RBFOX1: variants seen among roughly 807,000 people sequenced by gnomAD.
The protein encoded by RBFOX1 is RNA binding protein fox-1 homolog 1.
Under a neutral mutation model 57.7 loss-of-function variants are expected in RBFOX1, and 8 were observed. The observed-to-expected ratio is 0.14, with a 90% confidence interval of 0.08 to 0.25. The LOEUF (loss-of-function observed/expected upper bound fraction) is 0.25. RBFOX1 is among the 10% of genes least tolerant of loss of function. The pLI, the probability that RBFOX1 is intolerant of heterozygous loss-of-function variation, is 1.00. For synonymous variants in RBFOX1, 326 were observed against 222.4 expected (o/e 1.47, Z -4.15); for missense variants, 611 against 548.5 (o/e 1.11, Z -1.14).
At chr16:5,408,522 T>A (rs1202534540) in intron 1 of RBFOX1, among the ~76,000 whole-genome samples, 1 of 152,192 alleles carries the variant, frequency 6.6e-6, no homozygotes, top group African/African-American at 2.4e-5. Flanking sequence ...TTCTGAGGGA[T>A]CTCTCTTTCT....
chr16:7,465,473 C>G (rs1239010488), intron 4 of RBFOX1, among the ~76,000 whole-genome samples: 1 of 152,188 alleles, frequency 6.6e-6, no homozygotes, highest in African/African-American at 2.4e-5. Context: ...CTCTACTTTC[C>G]TATAAGGAGT....
intron 2 of RBFOX1, among the ~76,000 whole-genome samples, chr16:6,620,082 A>G (rs180989501): frequency 1.8e-4 from 28 of 152,284 alleles, no homozygotes; most frequent in African/African-American, 6.0e-4. Flanking sequence ...GTGCATATGG[A>G]CCACATTTTC....
At chr16:6,370,508 A>G (rs891274936) in intron 2 of RBFOX1, among the ~76,000 whole-genome samples, 38 of 152,188 alleles carry the variant, frequency 2.5e-4, no homozygotes, top group African/African-American at 8.0e-4. Context: ...AGTCTTTTAA[A>G]AAGGAGTAAA....
At chr16:7,160,754 T>C (rs1482457756) in intron 4 of RBFOX1, among the ~76,000 whole-genome samples, 2 of 151,520 alleles carry the variant, frequency 1.3e-5, no homozygotes, top group South Asian at 2.1e-4. Flanking sequence ...CCTATGTCTA[T>C]TCCTCCTCCT....
intron 3 of RBFOX1, among the ~76,000 whole-genome samples, chr16:6,742,790 G>A (rs1356730046): frequency 6.6e-6 from 1 of 152,120 alleles, no homozygotes; most frequent in East Asian, 1.9e-4. Context: ...CATGAGAGAA[G>A]TATAAAGATT....
intron 3 of RBFOX1, among the ~76,000 whole-genome samples, chr16:6,764,713 G>A (rs1248732852): frequency 6.6e-6 from 1 of 152,134 alleles, no homozygotes; most frequent in Admixed American, 6.5e-5. Context: ...GAGGCGGGTA[G>A]GTCACTTGAG....
intron 3 of RBFOX1, among the ~76,000 whole-genome samples, chr16:5,717,114 G>A (rs2051732576): frequency 6.6e-6 from 1 of 152,130 alleles, no homozygotes; most frequent in Non-Finnish European, 1.5e-5. Flanking sequence ...GAAGGTCAGA[G>A]GGTCTGGTAG....
intron 3 of RBFOX1, among the ~76,000 whole-genome samples, chr16:6,927,398 G>A (rs1261311506): frequency 9.8e-6 from 1 of 102,394 alleles, no homozygotes; most frequent in Non-Finnish European, 1.7e-5. Flanking sequence ...GGGCAACAGA[G>A]TGAGACGCTT....
At chr16:6,875,835 T>C (rs117512375) in intron 3 of RBFOX1, among the ~76,000 whole-genome samples, 4,620 of 151,768 alleles carry the variant, frequency 0.03, 127 homozygotes, top group Non-Finnish European at 0.038. Context: ...TGAAACCTCA[T>C]CTCTACAAAA....
In RBFOX1 at chr16:6,389,076, G is replaced by C. The variant is rs565567229; in HGVS notation, c.-64+72019G>C. On this transcript the variant is annotated intron_variant, in intron 2 of 15. Transcript: ENST00000550418. ...TTTTTTAGTCTTTTCACCCAGCTTGGCTTTGCACTTTTGCCAGCTGCAACC... is the reference window on the plus strand; with the variant it reads ...TTTTTTAGTCTTTTCACCCAGCTTGCCTTTGCACTTTTGCCAGCTGCAACC... 1.0e-3 allele frequency among the ~76,000 whole-genome samples: 153 copies of C among 152,230 alleles called. 1 individual carries two copies. The highest frequency in any genetic ancestry group is 1.7e-3 in the Non-Finnish European group (114 of 68,024).
intron 4 of RBFOX1, among the ~76,000 whole-genome samples, chr16:7,506,449 A>C (rs182056337): frequency 6.6e-6 from 1 of 152,174 alleles, no homozygotes; most frequent in South Asian, 2.1e-4. Flanking sequence ...TAATGTAGGC[A>C]AAGCTACTTT....
intron 2 of RBFOX1, among the ~76,000 whole-genome samples, chr16:6,612,537 A>G (rs1233918560): frequency 6.6e-6 from 1 of 152,174 alleles, no homozygotes; most frequent in Non-Finnish European, 1.5e-5. Context: ...GGCTAGAGCC[A>G]TTCATTTCCC....
chr16:7,419,669 A>T (rs1245331055), intron 4 of RBFOX1, among the ~76,000 whole-genome samples: 2 of 152,082 alleles, frequency 1.3e-5, no homozygotes, highest in Admixed American at 1.3e-4. Context: ...ATCTTTCTTC[A>T]AAATTGACTT....
intron 1 of RBFOX1, among the ~76,000 whole-genome samples, chr16:5,294,790 G>T: frequency 6.6e-6 from 1 of 151,918 alleles, no homozygotes; most frequent in East Asian, 2.0e-4. Context: ...CAGCACTTTG[G>T]GAGGCCGAGG....
intron 4 of RBFOX1, among the ~76,000 whole-genome samples, chr16:7,498,506 T>C (rs1458078900): frequency 2.0e-5 from 3 of 152,126 alleles, no homozygotes; most frequent in Non-Finnish European, 4.4e-5. Flanking sequence ...GTGATTTTAA[T>C]TTCAATATTT....
chr16:5,998,840 A>G (rs2060536593), intron 4 of RBFOX1, among the ~76,000 whole-genome samples: 1 of 152,208 alleles, frequency 6.6e-6, no homozygotes, highest in African/African-American at 2.4e-5. Flanking sequence ...CACGTGTCAT[A>G]TTGCAGTCAG....
intron 5 of RBFOX1, 146 bp downstream of exon 5, chr16:7,518,535 G>C: frequency 9.8e-7 from 1 of 1,022,054 alleles, no homozygotes; most frequent in South Asian, 2.4e-5. Flanking sequence ...CCAGCTTCCT[G>C]AAGTTTACCT....
chr16:5,834,687 G>GTAGGTAGA lies in RBFOX1; in HGVS notation c.319-32613_319-32612insGTAGATAG, dbSNP rs1555541440. On this transcript the variant is annotated intron_variant, in intron 3 of 19. Coordinates refer to the RBFOX1 transcript ENST00000641259. ...GGGATTGCTGGATTGAATGGGATAG[G>GTAGGTAGA]TAGATAGATAGATAGATAGATAGAT... Among the ~76,000 whole-genome samples, 154 of 134,808 alleles carry GTAGGTAGA rather than the reference G, an allele frequency of 1.1e-3. 1 individual carries two copies. Among genetic ancestry groups the GTAGGTAGA allele is most frequent in the African/African-American group, 4.3e-3 (135 of 31,402 alleles). The allele number at this position is 134,808 out of a possible 152,430, so 88.4% of individuals were successfully genotyped here.
intron 2 of RBFOX1, among the ~76,000 whole-genome samples, chr16:6,557,167 A>T (rs1217177791): frequency 8.0e-6 from 1 of 124,970 alleles, no homozygotes; most frequent in Non-Finnish European, 1.5e-5. Flanking sequence ...ATATACACAT[A>T]TATATATATA....
Sources: allele counts gnomAD v4.1 joint callset (sites outside exome capture counted in the v4.1 genomes callset), GRCh38; gene constraint gnomAD v4.1.1; transcripts MANE v1.5; gene names NCBI Gene and HGNC (gene_info 2026-07-23, HGNC 2026-07-21).